UPRT: variants seen among roughly 807,000 people sequenced by gnomAD.
The protein encoded by UPRT is uracil phosphoribosyltransferase homolog, also known as RP11-311P8.3.
A neutral mutation model predicts 22.6 loss-of-function variants in UPRT; 5 were observed. That is an observed-to-expected ratio of 0.22 (90% CI 0.12 to 0.47). UPRT has a LOEUF of 0.47. Ranked by LOEUF, UPRT falls within the 20% of genes least tolerant of loss-of-function variation. The pLI, the probability that UPRT is intolerant of heterozygous loss-of-function variation, is 0.99. For synonymous variants in UPRT, 77 were observed against 87.7 expected (o/e 0.88, Z 0.68); for missense variants, 181 against 239.9 (o/e 0.75, Z 1.62).
intron 4 of UPRT, among the ~76,000 whole-genome samples, chrX:75,205,018 G>T (rs1469758159): frequency 9.0e-6 from 1 of 111,255 alleles, no homozygotes; most frequent in Non-Finnish European, 1.9e-5. Flanking sequence ...TGAAGAATGT[G>T]TGTGGACTGC....
chrX:75,252,907 C>T (rs753331259), intron 4 of UPRT, among the ~76,000 whole-genome samples: 6 of 111,508 alleles, frequency 5.4e-5, no homozygotes, highest in Non-Finnish European at 9.4e-5. Context: ...ATGGATGAAG[C>T]GGGAAGCCAT....
At chrX:75,223,322 CA>C (rs2082415329) in intron 4 of UPRT, among the ~76,000 whole-genome samples, 1 of 110,209 alleles carries the variant, frequency 9.1e-6, no homozygotes, top group Non-Finnish European at 1.9e-5. Flanking sequence ...GGAGGGGTGG[CA>C]AAGGCACTCT....
At chrX:75,216,831 T>C (rs2082394452) in intron 4 of UPRT, among the ~76,000 whole-genome samples, 1 of 112,389 alleles carries the variant, frequency 8.9e-6, no homozygotes, top group African/African-American at 3.2e-5. Flanking sequence ...CTCGGCTCAC[T>C]GCAAGCTCCG....
chrX:75,191,409 G>T (rs2082314505), intron 4 of UPRT, among the ~76,000 whole-genome samples: 1 of 111,921 alleles, frequency 8.9e-6, no homozygotes, highest in Non-Finnish European at 1.9e-5. Flanking sequence ...TTCCCAGTTA[G>T]GCTACTCGGG....
At chrX:75,296,277 T>C in intron 2 of UPRT, 65 bp from the exon 3 acceptor site, 1 of 1,084,222 alleles carries the variant, frequency 9.2e-7, no homozygotes, top group South Asian at 1.9e-5. Flanking sequence ...GTTCAGCTCC[T>C]GAAGCTAACA....
At chrX:75,220,531 T>A (rs1335086196) in intron 4 of UPRT, among the ~76,000 whole-genome samples, 1 of 111,361 alleles carries the variant, frequency 9.0e-6, no homozygotes. Flanking sequence ...TTTTCTTTGA[T>A]GGTATGTTTT....
chrX:75,219,355 T>C (rs911229805), intron 4 of UPRT, among the ~76,000 whole-genome samples: 11 of 112,355 alleles, frequency 9.8e-5, no homozygotes, highest in Admixed American at 4.7e-4. Context: ...AATTCCATAC[T>C]GTATTAGGCT....
At chrX:75,163,085 C>T (rs985699788) in intron 2 of UPRT, among the ~76,000 whole-genome samples, 1 of 111,595 alleles carries the variant, frequency 9.0e-6, no homozygotes. Flanking sequence ...ACTTGGGGTC[C>T]CTCTCTCAAA....
intron 1 of UPRT, among the ~76,000 whole-genome samples, chrX:75,286,787 A>G: frequency 8.9e-6 from 1 of 111,991 alleles, no homozygotes; most frequent in African/African-American, 3.2e-5. Context: ...AGGGCAAAAT[A>G]TAAGTCATTG....
chrX:75,193,437 G>A (rs1177325779), intron 4 of UPRT, among the ~76,000 whole-genome samples: 2 of 111,268 alleles, frequency 1.8e-5, no homozygotes, highest in African/African-American at 6.5e-5. Flanking sequence ...TGACGACTAT[G>A]TGTCTTGAGG....
At chrX:75,183,186 C>T (rs1226307048) in intron 4 of UPRT, among the ~76,000 whole-genome samples, 5 of 109,938 alleles carry the variant, frequency 4.5e-5, no homozygotes, top group Admixed American at 9.8e-5. Context: ...CCGCACCCCA[C>T]GACAAGCCCT....
chrX:75,262,962 A>G (rs891616246), intron 4 of UPRT, among the ~76,000 whole-genome samples: 1 of 111,252 alleles, frequency 9.0e-6, no homozygotes, highest in Non-Finnish European at 1.9e-5. Context: ...GACCTAATAC[A>G]CATCTACAGA....
At chrX:75,256,858 G>A (rs1033542194) in intron 4 of UPRT, among the ~76,000 whole-genome samples, 3 of 111,364 alleles carry the variant, frequency 2.7e-5, no homozygotes, top group South Asian at 7.6e-4. Flanking sequence ...AACAAGCAGT[G>A]AGATTGAAAT....
chrX:75,249,858 G>A (rs1389012153), intron 4 of UPRT, among the ~76,000 whole-genome samples: 1 of 111,345 alleles, frequency 9.0e-6, no homozygotes, highest in Non-Finnish European at 1.9e-5. Flanking sequence ...ATAACAAACT[G>A]TCTCTCAGAC....
exon 1 of UPRT, chrX:75,156,423 C>A (rs768723151): frequency 1.5e-4 from 94 of 627,071 alleles, no homozygotes; most frequent in Non-Finnish European, 2.2e-4. Context: ...ATTCGCACAG[C>A]CTCTTTTATT....
At chrX:75,302,243 G>A (rs1269846041) in intron 6 of UPRT, among the ~76,000 whole-genome samples, 2 of 111,130 alleles carry the variant, frequency 1.8e-5, no homozygotes, top group African/African-American at 6.5e-5. Context: ...AACAAAAGGC[G>A]ATTTGCTTAA....
intron 4 of UPRT, among the ~76,000 whole-genome samples, chrX:75,246,382 G>A (rs1177342929): frequency 1.9e-5 from 2 of 107,804 alleles, no homozygotes; most frequent in East Asian, 6.0e-4. Context: ...GTGATAGTTT[G>A]CTGAGAATGA....
intron 3 of UPRT, among the ~76,000 whole-genome samples, chrX:75,166,340 A>G (rs996163917): frequency 2.7e-5 from 3 of 112,225 alleles, no homozygotes; most frequent in Non-Finnish European, 5.6e-5. Context: ...TGATATTGTA[A>G]TAACAGATAA....
intron 4 of UPRT, among the ~76,000 whole-genome samples, chrX:75,196,570 G>A (rs972397713): frequency 1.8e-5 from 2 of 112,236 alleles, no homozygotes; most frequent in Non-Finnish European, 1.9e-5. Context: ...GAAAGAGGCC[G>A]AGTTGGTGGC....
Sources: allele counts gnomAD v4.1 joint callset (sites outside exome capture counted in the v4.1 genomes callset), GRCh38; gene constraint gnomAD v4.1.1; transcripts MANE v1.5; gene names NCBI Gene and HGNC (gene_info 2026-07-23, HGNC 2026-07-21).